The following PTPRT variants were observed in gnomAD, a reference collection of about 807,000 sequenced individuals.
The protein encoded by PTPRT is protein tyrosine phosphatase receptor type T.
Under a neutral mutation model 176.8 loss-of-function variants are expected in PTPRT, and 56 were observed. The ratio of observed to expected loss-of-function variants is 0.32; its 90% CI spans 0.26 to 0.40. The LOEUF is 0.40. Among genes scored for constraint, PTPRT ranks in the 10% least tolerant of loss-of-function variants. The probability of loss-of-function intolerance (pLI) is 1.00; values close to 1 mark genes in which losing one functional copy is unlikely to be tolerated. For missense variants in PTPRT, 1,540 were observed against 1,908.2 expected (o/e 0.81, Z 3.60); for synonymous variants, 783 against 739.0 (o/e 1.06, Z -0.96).
At chr20:42,139,113 TG>T (rs1479647639) in intron 18 of PTPRT, among the ~76,000 whole-genome samples, 1 of 152,222 alleles carries the variant, frequency 6.6e-6, no homozygotes, top group Non-Finnish European at 1.5e-5. Context: ...AATTCCAGGT[TG>T]TTTTTTTTCC....
chr20:42,370,277 C>T (rs905530569), intron 9 of PTPRT, among the ~76,000 whole-genome samples: 29 of 152,194 alleles, frequency 1.9e-4, no homozygotes, highest in African/African-American at 7.2e-5. Flanking sequence ...TCTGCCTTGT[C>T]GGAATCCTCA....
chr20:42,932,900 T>G (rs1979953491), intron 1 of PTPRT, among the ~76,000 whole-genome samples: 1 of 152,050 alleles, frequency 6.6e-6, no homozygotes, highest in Non-Finnish European at 1.5e-5. Context: ...TACTTCAGAG[T>G]GATAATGAAA....
intron 2 of PTPRT, among the ~76,000 whole-genome samples, chr20:42,853,956 T>C (rs181721959): frequency 6.6e-5 from 10 of 152,212 alleles, no homozygotes; most frequent in Admixed American, 4.6e-4. Flanking sequence ...AGATGGAAAA[T>C]GGGCTAATTC....
At chr20:42,352,871 T>G (rs889808583) in intron 9 of PTPRT, among the ~76,000 whole-genome samples, 2 of 151,998 alleles carry the variant, frequency 1.3e-5, no homozygotes, top group Non-Finnish European at 2.9e-5. Flanking sequence ...ACAAAAAATT[T>G]TTAAAAAAAG....
At chr20:42,773,954 A>G (rs73269882) in intron 4 of PTPRT, among the ~76,000 whole-genome samples, 53 of 152,330 alleles carry the variant, frequency 3.5e-4, no homozygotes, top group African/African-American at 1.3e-3. Flanking sequence ...CAATGTCCCC[A>G]GCATGCCTCT....
At chr20:43,119,601 G>A (rs1004690745) in intron 1 of PTPRT, among the ~76,000 whole-genome samples, 2 of 152,212 alleles carry the variant, frequency 1.3e-5, no homozygotes, top group African/African-American at 2.4e-5. Flanking sequence ...TTCCCAAGGA[G>A]CACAGATACA....
intron 1 of PTPRT, among the ~76,000 whole-genome samples, chr20:42,990,533 G>A (rs1398787538): frequency 6.6e-6 from 1 of 152,078 alleles, no homozygotes; most frequent in Non-Finnish European, 1.5e-5. Context: ...TGTATATCAA[G>A]GCCACCATAC....
intron 2 of PTPRT, among the ~76,000 whole-genome samples, chr20:42,867,090 C>T (rs545280445): frequency 6.6e-6 from 1 of 152,322 alleles, no homozygotes; most frequent in Admixed American, 6.5e-5. Context: ...AAGTAGACAC[C>T]TCTTGGTGCT....
At chr20:42,181,415 G>A (rs375870535) in intron 16 of PTPRT, among the ~76,000 whole-genome samples, 1 of 152,112 alleles carries the variant, frequency 6.6e-6, no homozygotes, top group African/African-American at 2.4e-5. Context: ...TAGAACTGAT[G>A]ACTAGGACAA....
At chr20:43,099,223 A>C (rs532874512) in intron 1 of PTPRT, among the ~76,000 whole-genome samples, 15 of 152,320 alleles carry the variant, frequency 9.8e-5, no homozygotes, top group Middle Eastern at 6.8e-3. Context: ...AAGAATAATA[A>C]TGATTTCCTA....
intron 17 of PTPRT, among the ~76,000 whole-genome samples, chr20:42,154,973 G>A (rs934201282): frequency 6.6e-6 from 1 of 152,182 alleles, no homozygotes; most frequent in Non-Finnish European, 1.5e-5. Context: ...ATCAGCAGGA[G>A]TAGACCTGAG....
intron 3 of PTPRT, among the ~76,000 whole-genome samples, chr20:42,786,411 A>G (rs570816188): frequency 3.5e-4 from 54 of 152,332 alleles, no homozygotes; most frequent in African/African-American, 1.2e-3. Flanking sequence ...AGATTCTCAG[A>G]AAGTGCAAGC....
rs142962807 is a variant in PTPRT at position 42,596,276 on chromosome 20, T to C, written c.1153+81590A>G. Among the ~76,000 whole-genome samples the C allele has an allele frequency of 2.3e-3, 349 of 152,348 alleles. 7 individuals carry two copies. The highest frequency in any genetic ancestry group is 0.019 in the East Asian group (96 of 5,184). Reference sequence around the variant, plus strand: ...TGTCCCACCTGGTAAAAATCAGTCCTGACAATACCAAAACTTTGCCAATTC... The same window carrying C: ...TGTCCCACCTGGTAAAAATCAGTCCCGACAATACCAAAACTTTGCCAATTC... On this transcript the variant is annotated intron_variant, in intron 7 of 30. Coordinates refer to ENST00000373187, the MANE Select transcript of PTPRT (RefSeq NM_007050.6).
chr20:42,572,683 T>C (rs2073177800), intron 7 of PTPRT, among the ~76,000 whole-genome samples: 2 of 152,242 alleles, frequency 1.3e-5, no homozygotes, highest in Non-Finnish European at 1.5e-5. Context: ...TTACAATTAA[T>C]TAACTTTTTA....
chr20:42,056,052 G>A, the PTPRT span, among the ~76,000 whole-genome samples: 9 of 152,224 alleles, frequency 5.9e-5, no homozygotes, highest in South Asian at 2.1e-4. Flanking sequence ...GCTATTTATC[G>A]TTCCTCTGAG....
chr20:42,791,089 G>C (rs113311155), intron 3 of PTPRT, 106 bp downstream of exon 3: 1 of 1,372,320 alleles, frequency 7.3e-7, no homozygotes. Context: ...CAGTAAACAC[G>C]AGTGAATAAA....
intron 7 of PTPRT, among the ~76,000 whole-genome samples, chr20:42,521,225 T>C (rs1270275745): frequency 6.6e-6 from 1 of 152,138 alleles, no homozygotes; most frequent in African/African-American, 2.4e-5. Context: ...TCATATGAGT[T>C]CAAGATAAAA....
intron 1 of PTPRT, among the ~76,000 whole-genome samples, chr20:43,070,757 T>C (rs1007158304): frequency 2.6e-5 from 4 of 151,618 alleles, no homozygotes; most frequent in Non-Finnish European, 5.9e-5. Flanking sequence ...TTCTCACTCA[T>C]AGGTGGGAAT....
At chr20:42,312,266 C>T (rs375832266) in intron 12 of PTPRT, among the ~76,000 whole-genome samples, 3 of 152,186 alleles carry the variant, frequency 2.0e-5, no homozygotes, top group South Asian at 4.2e-4. Flanking sequence ...CCCTGGATAC[C>T]GAGAATGGCT....
Sources: allele counts gnomAD v4.1 joint callset (sites outside exome capture counted in the v4.1 genomes callset), GRCh38; gene constraint gnomAD v4.1.1; transcripts MANE v1.5; gene names NCBI Gene and HGNC (gene_info 2026-07-23, HGNC 2026-07-21).